The following PPP6R3 variants were observed in gnomAD, a reference collection of about 807,000 sequenced individuals.
The protein encoded by PPP6R3 is serine/threonine-protein phosphatase 6 regulatory subunit 3.
In PPP6R3, 38 loss-of-function variants were observed where a neutral mutation model predicts 110.7. That is an observed-to-expected ratio of 0.34 (90% CI 0.26 to 0.45). The LOEUF (loss-of-function observed/expected upper bound fraction) is 0.45. Ranked by LOEUF, PPP6R3 falls within the 20% of genes least tolerant of loss-of-function variation. PPP6R3 has a pLI of 1.00. For missense variants in PPP6R3, 870 were observed against 1,062.4 expected (o/e 0.82, Z 2.52); for synonymous variants, 369 against 373.5 (o/e 0.99, Z 0.14).
At chr11:68,576,174 C>A in intron 14 of PPP6R3, 131 bp downstream of exon 14, 1 of 646,500 alleles carries the variant, frequency 1.5e-6, no homozygotes, top group East Asian at 3.0e-5. Context: ...ATCTCTTTAC[C>A]AGGGAGAGAG....
At chr11:68,521,870 A>G (rs7927235) in intron 2 of PPP6R3, among the ~76,000 whole-genome samples, 17,925 of 152,154 alleles carry the variant, frequency 0.12, 1,616 homozygotes, top group East Asian at 0.39. Flanking sequence ...TAGGGGGATA[A>G]TATTTCACCT....
At chr11:68,595,619 A>T (rs2099611601) in intron 18 of PPP6R3, among the ~76,000 whole-genome samples, 1 of 152,214 alleles carries the variant, frequency 6.6e-6, no homozygotes, top group Non-Finnish European at 1.5e-5. Context: ...GCACTGGGAG[A>T]AAACATTTGC....
chr11:68,564,470 A>G (rs773196121), intron 9 of PPP6R3, 38 bp downstream of exon 9: 1 of 1,609,530 alleles, frequency 6.2e-7, no homozygotes, highest in South Asian at 1.1e-5. Flanking sequence ...CCCAGCGAGT[A>G]ATTTGGTTGA....
chr11:68,509,818 C>T (rs900509336), intron 1 of PPP6R3, among the ~76,000 whole-genome samples: 4 of 140,212 alleles, frequency 2.9e-5, no homozygotes, highest in South Asian at 2.3e-4. Context: ...GGCACAATCT[C>T]GGCCCACTGC....
intron 1 of PPP6R3, among the ~76,000 whole-genome samples, chr11:68,475,823 C>T (rs1402123052): frequency 5.8e-4 from 87 of 149,502 alleles, no homozygotes; most frequent in African/African-American, 1.9e-3. Flanking sequence ...ACTTCTCAGA[C>T]GGGGTGGCCG....
chr11:68,553,630 C>T (rs1479995435), intron 6 of PPP6R3, among the ~76,000 whole-genome samples: 1 of 152,074 alleles, frequency 6.6e-6, no homozygotes, highest in East Asian at 1.9e-4. Flanking sequence ...AAAGTATGTG[C>T]ATCCTTCTAT....
At chr11:68,493,575 G>A (rs947416182) in intron 1 of PPP6R3, among the ~76,000 whole-genome samples, 1 of 147,672 alleles carries the variant, frequency 6.8e-6, no homozygotes, top group African/African-American at 2.5e-5. Context: ...AGGACAATAG[G>A]TGTGAGCCAT....
At chr11:68,524,168 A>C (rs901638676) in intron 2 of PPP6R3, among the ~76,000 whole-genome samples, 1 of 152,196 alleles carries the variant, frequency 6.6e-6, no homozygotes, top group African/African-American at 2.4e-5. Context: ...GGGGCCTCTC[A>C]TGAAGCCACA....
At chr11:68,475,302 C>CA (rs1389779864) in intron 1 of PPP6R3, among the ~76,000 whole-genome samples, 1 of 152,160 alleles carries the variant, frequency 6.6e-6, no homozygotes, top group African/African-American at 2.4e-5. Flanking sequence ...TGAAGTCTCC[C>CA]ATGTCTACTT....
At chr11:68,528,685 TG>T in intron 2 of PPP6R3, among the ~76,000 whole-genome samples, 1 of 152,286 alleles carries the variant, frequency 6.6e-6, no homozygotes, top group East Asian at 1.9e-4. Context: ...ATAACTTCCG[TG>T]GGAGTGACTC....
At chr11:68,573,115 T>C (rs1442131878) in intron 12 of PPP6R3, among the ~76,000 whole-genome samples, 2 of 5,792 alleles carry the variant, frequency 3.5e-4, no homozygotes, top group African/African-American at 1.4e-3. Context: ...TTACTTATTT[T>C]ATATATATAT....
intron 1 of PPP6R3, among the ~76,000 whole-genome samples, chr11:68,466,483 G>A (rs2098746916): frequency 6.9e-6 from 1 of 145,054 alleles, no homozygotes; most frequent in African/African-American, 2.7e-5. Flanking sequence ...CTGTCACCCA[G>A]GCTGGAGTGC....
chr11:68,549,793 G>A (rs184000316), intron 5 of PPP6R3, among the ~76,000 whole-genome samples: 34 of 152,258 alleles, frequency 2.2e-4, no homozygotes, highest in African/African-American at 7.9e-4. Flanking sequence ...GAGAGAGAGC[G>A]ATAGGAGGTT....
At chr11:68,582,222 A>G (rs2099558066) in intron 14 of PPP6R3, among the ~76,000 whole-genome samples, 1 of 152,252 alleles carries the variant, frequency 6.6e-6, no homozygotes, top group Non-Finnish European at 1.5e-5. Flanking sequence ...CCGCAGAAAT[A>G]TAGTACTTCT....
chr11:68,494,408 CAAAAAAAAAA>C (rs35190764), intron 1 of PPP6R3, among the ~76,000 whole-genome samples: 8 of 60,382 alleles, frequency 1.3e-4, no homozygotes, highest in South Asian at 7.3e-4. Flanking sequence ...CCTGTAATCT[CAAAAAAAAAA>C]AAAAAAAAAA....
chr11:68,482,748 T>C (rs150120279), intron 1 of PPP6R3, among the ~76,000 whole-genome samples: 3 of 152,320 alleles, frequency 2.0e-5, no homozygotes, highest in African/African-American at 7.2e-5. Flanking sequence ...TGATCACCTT[T>C]TCCAAATCCT....
At chr11:68,568,914 G>T (rs1041370758) in intron 10 of PPP6R3, among the ~76,000 whole-genome samples, 1 of 152,014 alleles carries the variant, frequency 6.6e-6, no homozygotes, top group African/African-American at 2.4e-5. Context: ...ACAGGCGCCC[G>T]CCACCACACC....
chr11:68,537,156 G>GT (rs2099275222), intron 2 of PPP6R3, among the ~76,000 whole-genome samples: 1 of 152,114 alleles, frequency 6.6e-6, no homozygotes, highest in Non-Finnish European at 1.5e-5. Flanking sequence ...TTAGTTTTCA[G>GT]TTTTTAGTAG....
intron 13 of PPP6R3, among the ~76,000 whole-genome samples, chr11:68,574,607 A>G (rs574276672): frequency 1.4e-4 from 21 of 152,300 alleles, no homozygotes; most frequent in Non-Finnish European, 2.9e-4. Flanking sequence ...GAAGGCCTCT[A>G]TATAGCCTCT....
Sources: gnomAD v4.1 joint callset for allele counts (sites outside exome capture counted in the v4.1 genomes callset) on GRCh38, gnomAD v4.1.1 for gene constraint, MANE v1.5 for transcripts, NCBI Gene and HGNC (gene_info 2026-07-23, HGNC 2026-07-21) for gene names.